The following NAA50 variants were observed in gnomAD, a reference collection of about 807,000 sequenced individuals.
The protein encoded by NAA50 is N-alpha-acetyltransferase 50.
A neutral mutation model predicts 20.7 loss-of-function variants in NAA50; 7 were observed. The observed-to-expected ratio is 0.34, with a 90% CI of 0.19 to 0.63. The LOEUF (loss-of-function observed/expected upper bound fraction) is 0.63. Ranked by LOEUF, NAA50 falls within the 30% of genes least tolerant of loss-of-function variation. The pLI, the probability that NAA50 is intolerant of heterozygous loss-of-function variation, is 0.75. For missense variants in NAA50, 111 were observed against 199.1 expected (o/e 0.56, Z 2.66); for synonymous variants, 54 against 70.6 (o/e 0.77, Z 1.18).
chr3:113,736,117 T>C (rs1004188489), intron 1 of NAA50, among the ~76,000 whole-genome samples: 2 of 152,266 alleles, frequency 1.3e-5, no homozygotes, highest in Admixed American at 6.5e-5. Context: ...ATGTGGTTCC[T>C]GTTGGCAGTA....
At chr3:113,731,772 C>T (rs1463537755) in intron 1 of NAA50, among the ~76,000 whole-genome samples, 2 of 152,180 alleles carry the variant, frequency 1.3e-5, no homozygotes, top group Non-Finnish European at 2.9e-5. Context: ...TTGACGTTCA[C>T]CTCTGTTTTA....
rs561609346 is a variant in NAA50, at chr3:113,718,818, G to C, written c.*2942C>G. 6.6e-6 allele frequency: 1 copy of C among 152,584 alleles called. No individual in the cohort carries two copies. The highest frequency in any genetic ancestry group is 2.1e-4 in the South Asian group (1 of 4,822). 9.5% of individuals were successfully genotyped at this position (152,584 alleles called of 1,614,324 possible). A position where few individuals can be genotyped will look rare whatever the true frequency, so the allele number is the denominator to read the frequency against. On this transcript the variant is annotated 3_prime_UTR_variant, in exon 5 of 5. Transcript: ENST00000240922. ...GCACTGTACCTAGCAAGTCACAGAA[G>C]ATCTGAATTAGGATGCCTTAATTAC...
At chr3:113,740,895 C>A in intron 1 of NAA50, 1 of 457,904 alleles carries the variant, frequency 2.2e-6, no homozygotes, top group Admixed American at 2.6e-5. Flanking sequence ...CTAGACTATG[C>A]TAGAGTTTTC....
At chr3:113,723,648 A>G in intron 2 of NAA50, 107 bp from the exon 3 acceptor site, 1 of 1,267,926 alleles carries the variant, frequency 7.9e-7, no homozygotes, top group South Asian at 1.7e-5. Context: ...AAATTTCATC[A>G]ACTATTTCAT....
chr3:113,746,165 C>A lies in NAA50; in HGVS notation c.-216G>T. On this transcript the variant is annotated 5_prime_UTR_variant, in exon 1 of 5. Coordinates refer to ENST00000240922, the MANE Select transcript of NAA50 (RefSeq NM_025146.4). ...GTCTCCCGCCGCCGCGCTTGTGCCG[C>A]CGCTTCTCCACACGTGCACTCGGGT... 1 of 562,728 alleles carries A rather than the reference C, an allele frequency of 1.8e-6. No individual in the cohort carries two copies. The highest frequency in any genetic ancestry group is 2.2e-5 in the South Asian group (1 of 45,350). 34.9% of individuals were successfully genotyped at this position (562,728 alleles called of 1,614,324 possible). A position where few individuals can be genotyped will look rare whatever the true frequency, so the allele number is the denominator to read the frequency against.
intron 1 of NAA50, among the ~76,000 whole-genome samples, chr3:113,739,115 C>A (rs1708380267): frequency 6.6e-6 from 1 of 152,170 alleles, no homozygotes; most frequent in African/African-American, 2.4e-5. Context: ...ATCACCTAAT[C>A]AGCAAAGTAA....
chr3:113,745,095 G>GT (rs1396053486), intron 1 of NAA50, among the ~76,000 whole-genome samples: 1 of 152,144 alleles, frequency 6.6e-6, no homozygotes, highest in East Asian at 1.9e-4. Flanking sequence ...AAAATGTTAC[G>GT]TAATTAATAC....
At chr3:113,727,569 A>C (rs1281905727) in intron 1 of NAA50, among the ~76,000 whole-genome samples, 1 of 152,202 alleles carries the variant, frequency 6.6e-6, no homozygotes, top group African/African-American at 2.4e-5. Context: ...AGAGAAAACA[A>C]TATTGAACCA....
rs574774812 is a variant in NAA50, at chr3:113,723,091, T to C, written c.266-119A>G. Reference sequence around the variant, plus strand: ...CTAAAAGAATTTATGAGGTATACACTAGATATCCTTATTTTCCAAAGTTGT... The same window carrying C: ...CTAAAAGAATTTATGAGGTATACACCAGATATCCTTATTTTCCAAAGTTGT... On this transcript the variant is annotated intron_variant, in intron 3 of 4. Coordinates refer to ENST00000240922, the MANE Select transcript of NAA50 (RefSeq NM_025146.4). 11 of 1,282,104 alleles carry C rather than the reference T, an allele frequency of 8.6e-6. No individual in the cohort carries two copies. The African/African-American group carries it at 1.3e-4, about 16-fold the overall frequency. 79.4% of individuals were successfully genotyped at this position (1,282,104 alleles called of 1,614,324 possible). A position where few individuals can be genotyped will look rare whatever the true frequency, so the allele number is the denominator to read the frequency against.
intron 1 of NAA50, among the ~76,000 whole-genome samples, chr3:113,726,366 T>C (rs1358504178): frequency 1.3e-5 from 2 of 152,170 alleles, no homozygotes; most frequent in Non-Finnish European, 2.9e-5. Flanking sequence ...ATGAATTCCC[T>C]GTATGAAATT....
chr3:113,731,275 T>C (rs1338842838), intron 1 of NAA50, among the ~76,000 whole-genome samples: 1 of 152,186 alleles, frequency 6.6e-6, no homozygotes, highest in Non-Finnish European at 1.5e-5. Context: ...CTATGGCTTT[T>C]TTCATTTTCT....
chr3:113,732,514 G>C (rs1471919873), intron 1 of NAA50, among the ~76,000 whole-genome samples: 1 of 152,074 alleles, frequency 6.6e-6, no homozygotes, highest in East Asian at 1.9e-4. Flanking sequence ...CTGTCAGCAG[G>C]GCCATGTTCT....
chr3:113,739,319 C>A (rs1174607862), intron 1 of NAA50: 1 of 152,140 alleles, frequency 6.6e-6, no homozygotes, highest in African/African-American at 2.4e-5. Context: ...TTTCGTTAGC[C>A]CTTGGAAAGA....
intron 1 of NAA50, chr3:113,740,893 T>A (rs55868922): frequency 4.4e-6 from 2 of 458,014 alleles, no homozygotes; most frequent in Non-Finnish European, 8.6e-6. Flanking sequence ...ATCTAGACTA[T>A]GCTAGAGTTT....
chr3:113,741,526 ATAT>A (rs1708417305), intron 1 of NAA50, among the ~76,000 whole-genome samples: 1 of 152,262 alleles, frequency 6.6e-6, no homozygotes, highest in South Asian at 2.1e-4. Flanking sequence ...ATCGCTTCAG[ATAT>A]CACACAGCTG....
intron 1 of NAA50, among the ~76,000 whole-genome samples, chr3:113,737,492 C>T (rs1183768315): frequency 6.6e-6 from 1 of 152,188 alleles, no homozygotes; most frequent in African/African-American, 2.4e-5. Flanking sequence ...AGATTTCTAC[C>T]TCATATGAAC....
intron 1 of NAA50, among the ~76,000 whole-genome samples, chr3:113,744,297 T>C (rs2107997518): frequency 6.6e-6 from 1 of 152,056 alleles, no homozygotes; most frequent in South Asian, 2.1e-4. Context: ...CCCCCGTCTC[T>C]ACAAAATATA....
At chr3:113,744,127 A>AT (rs1708457905) in intron 1 of NAA50, among the ~76,000 whole-genome samples, 1 of 152,144 alleles carries the variant, frequency 6.6e-6, no homozygotes, top group South Asian at 2.1e-4. Flanking sequence ...GTGCCTGACA[A>AT]TGAGTACAAA....
chr3:113,727,991 C>T (rs1279387509), intron 1 of NAA50, among the ~76,000 whole-genome samples: 1 of 150,982 alleles, frequency 6.6e-6, no homozygotes, highest in Non-Finnish European at 1.5e-5. Context: ...GATCACTTAG[C>T]TCCAAATTAT....
Sources: allele counts gnomAD v4.1 joint callset (sites outside exome capture counted in the v4.1 genomes callset), GRCh38; gene constraint gnomAD v4.1.1; transcripts MANE v1.5; gene names NCBI Gene and HGNC (gene_info 2026-07-23, HGNC 2026-07-21).